OPN5: variants seen among roughly 807,000 people sequenced by gnomAD.
The protein encoded by OPN5 is opsin 5, also known as opsin-5.
A neutral mutation model predicts 41.7 loss-of-function variants in OPN5; 18 were observed. The ratio of observed to expected loss-of-function variants is 0.43; its 90% CI spans 0.30 to 0.64. OPN5 has a LOEUF of 0.64. Ranked by LOEUF, OPN5 falls within the 30% of genes least tolerant of loss-of-function variation. OPN5 has a pLI of 0.13. For missense variants in OPN5, 318 were observed against 434.5 expected (o/e 0.73, Z 2.38); for synonymous variants, 178 against 164.3 (o/e 1.08, Z -0.64).
At chr6:47,799,259 A>G (rs1773681673) in intron 4 of OPN5, among the ~76,000 whole-genome samples, 1 of 151,982 alleles carries the variant, frequency 6.6e-6, no homozygotes. Flanking sequence ...CATGATATAC[A>G]TATACATATG....
At chr6:47,794,341 T>C (rs1773476845) in intron 3 of OPN5, among the ~76,000 whole-genome samples, 1 of 152,250 alleles carries the variant, frequency 6.6e-6, no homozygotes, top group African/African-American at 2.4e-5. Flanking sequence ...GTCACTTTCC[T>C]GGCCCTCTTC....
intron 2 of OPN5, among the ~76,000 whole-genome samples, chr6:47,788,808 G>GGC (rs372713765): frequency 6.7e-5 from 10 of 148,294 alleles, no homozygotes; most frequent in South Asian, 2.2e-4. Flanking sequence ...GATAACCTGG[G>GGC]GGGGGGCGGT....
intron 4 of OPN5, among the ~76,000 whole-genome samples, chr6:47,798,654 G>A (rs1179524104): frequency 6.6e-6 from 1 of 151,118 alleles, no homozygotes; most frequent in Admixed American, 6.6e-5. Flanking sequence ...AAACACAAGT[G>A]TTTCTAATTA....
At chr6:47,811,401 A>G (rs1473143046) in intron 5 of OPN5, among the ~76,000 whole-genome samples, 1 of 152,162 alleles carries the variant, frequency 6.6e-6, no homozygotes, top group Non-Finnish European at 1.5e-5. Context: ...TAGGTGTGCA[A>G]TTAAGTTTGT....
At chr6:47,813,353 A>G (rs553409507) in intron 6 of OPN5, among the ~76,000 whole-genome samples, 2 of 152,314 alleles carry the variant, frequency 1.3e-5, no homozygotes, top group African/African-American at 4.8e-5. Context: ...CAATAGTATC[A>G]CAGGGTCATT....
At chr6:47,792,058 A>G (rs1451559404) in intron 3 of OPN5, 86 bp downstream of exon 3, 1 of 903,782 alleles carries the variant, frequency 1.1e-6, no homozygotes, top group Non-Finnish European at 1.7e-6. Context: ...CAGGTAATAA[A>G]CAAAGATTAT....
At chr6:47,794,586 TA>T (rs1315731569) in intron 3 of OPN5, among the ~76,000 whole-genome samples, 2 of 152,236 alleles carry the variant, frequency 1.3e-5, no homozygotes, top group Non-Finnish European at 2.9e-5. Flanking sequence ...TTCACAGAAT[TA>T]CTTTGCAGAA....
chr6:47,808,862 A>G (rs1195467346), intron 5 of OPN5, among the ~76,000 whole-genome samples: 1 of 152,224 alleles, frequency 6.6e-6, no homozygotes, highest in Non-Finnish European at 1.5e-5. Context: ...GCTCTGTGCC[A>G]GATTTCTTTT....
At chr6:47,823,809 G>A (rs983914501) in intron 6 of OPN5, among the ~76,000 whole-genome samples, 174 bp from the exon 7 acceptor site, 2 of 152,136 alleles carry the variant, frequency 1.3e-5, no homozygotes. Context: ...GGATGCACCT[G>A]CAAAGAGGAC....
At chr6:47,788,132 G>A (rs925054317) in intron 2 of OPN5, among the ~76,000 whole-genome samples, 1 of 152,212 alleles carries the variant, frequency 6.6e-6, no homozygotes, top group African/African-American at 2.4e-5. Flanking sequence ...ATTAAGAAGA[G>A]CAAGACATGC....
At chr6:47,785,051 T>C (rs1773162973) in intron 1 of OPN5, among the ~76,000 whole-genome samples, 1 of 152,136 alleles carries the variant, frequency 6.6e-6, no homozygotes, top group Non-Finnish European at 1.5e-5. Context: ...TGAAGCAGGG[T>C]CAGTAAAGAA....
At chr6:47,815,075 T>C (rs978981748) in intron 6 of OPN5, among the ~76,000 whole-genome samples, 4 of 152,072 alleles carry the variant, frequency 2.6e-5, no homozygotes, top group Non-Finnish European at 5.9e-5. Context: ...AGAGTAGAAA[T>C]GCCCTACTAA....
At chr6:47,809,787 AATAACACT>A (rs762303565) in intron 5 of OPN5, among the ~76,000 whole-genome samples, 4 of 152,244 alleles carry the variant, frequency 2.6e-5, no homozygotes, top group Non-Finnish European at 5.9e-5. Flanking sequence ...TTTCTGAAGT[AATAACACT>A]ATGTCCTCAC....
chr6:47,811,159 G>A (rs1320057761), intron 5 of OPN5, among the ~76,000 whole-genome samples: 3 of 152,170 alleles, frequency 2.0e-5, no homozygotes, highest in Non-Finnish European at 4.4e-5. Context: ...AAATGGAGAA[G>A]AAATGTTCAA....
At chr6:47,799,024 A>G (rs937798561) in intron 4 of OPN5, among the ~76,000 whole-genome samples, 2 of 152,082 alleles carry the variant, frequency 1.3e-5, no homozygotes, top group Non-Finnish European at 2.9e-5. Context: ...TAGCTGGGTT[A>G]TGACTGGGGC....
intron 2 of OPN5, chr6:47,787,365 T>A (rs974082671): frequency 6.5e-6 from 1 of 154,884 alleles, no homozygotes; most frequent in African/African-American, 2.4e-5. Context: ...TGGAAAAAAA[T>A]TTCTCCTTCA....
chr6:47,820,778 C>T (rs745528191), intron 6 of OPN5, among the ~76,000 whole-genome samples: 2 of 152,042 alleles, frequency 1.3e-5, no homozygotes, highest in Non-Finnish European at 2.9e-5. Flanking sequence ...AAAGTACAGT[C>T]GACCCTTGAA....
At chr6:47,797,013 C>T (rs147920874) in intron 4 of OPN5, among the ~76,000 whole-genome samples, 129 of 152,270 alleles carry the variant, frequency 8.5e-4, no homozygotes, top group African/African-American at 3.0e-3. Flanking sequence ...TTTATAGAAC[C>T]ATCAGATCTT....
chr6:47,791,939 G>A (rs1322203175), exon 3 of OPN5: 1 of 1,613,864 alleles, frequency 6.2e-7, no homozygotes, highest in Non-Finnish European at 8.5e-7. Flanking sequence ...TGTCAGCCTG[G>A]ATCGATATTT....
Sources: gnomAD v4.1 joint callset for allele counts (sites outside exome capture counted in the v4.1 genomes callset) on GRCh38, gnomAD v4.1.1 for gene constraint, MANE v1.5 for transcripts, NCBI Gene and HGNC (gene_info 2026-07-23, HGNC 2026-07-21) for gene names.